The following XKR5 variants were observed in gnomAD, a reference collection of about 807,000 sequenced individuals.
The protein encoded by XKR5 is XK-related protein 5.
A neutral mutation model predicts 40.8 loss-of-function variants in XKR5; 46 were observed. That is an observed-to-expected ratio of 1.13 (90% CI 0.89 to 1.44). The LOEUF is 1.44. Ranked by LOEUF, XKR5 falls within the 40% of genes most tolerant of loss-of-function variation. The pLI, the probability that XKR5 is intolerant of heterozygous loss-of-function variation, is 0.00. For missense variants in XKR5, 1,169 were observed against 844.7 expected, an observed-to-expected ratio of 1.38 and a Z score of -4.76; for synonymous variants, 466 against 356.1, an observed-to-expected ratio of 1.31 and a Z score of -3.48.
At chr8:6,813,604 C>A (rs1159406982) in intron 6 of XKR5, among the ~76,000 whole-genome samples, 2 of 152,160 alleles carry the variant, frequency 1.3e-5, no homozygotes, top group African/African-American at 2.4e-5. Flanking sequence ...GCCTAGGATT[C>A]CCAAGGGTCG....
chr8:6,814,484 C>T (rs1167365484), intron 6 of XKR5, among the ~76,000 whole-genome samples: 4 of 151,932 alleles, frequency 2.6e-5, no homozygotes, highest in Non-Finnish European at 4.4e-5. Context: ...GTGGCAGGGG[C>T]GAGAGGAAGG....
At chr8:6,821,075 C>T (rs567826923) in intron 5 of XKR5, among the ~76,000 whole-genome samples, 82 of 152,186 alleles carry the variant, frequency 5.4e-4, no homozygotes, top group Non-Finnish European at 1.1e-3. Context: ...TTATTCCTAG[C>T]GTGTGCATGA....
chr8:6,833,677 C>G (rs1377348718), intron 1 of XKR5, among the ~76,000 whole-genome samples: 4 of 152,174 alleles, frequency 2.6e-5, no homozygotes, highest in Non-Finnish European at 2.9e-5. Flanking sequence ...GATTGGGCCA[C>G]TGCATTCCAG....
chr8:6,827,896 T>A (rs1334730591), intron 2 of XKR5, among the ~76,000 whole-genome samples: 1 of 151,988 alleles, frequency 6.6e-6, no homozygotes, highest in Non-Finnish European at 1.5e-5. Context: ...TGAGACTCCA[T>A]GTCTACAAAA....
At chr8:6,833,310 G>T (rs528572373) in intron 1 of XKR5, among the ~76,000 whole-genome samples, 9 of 152,318 alleles carry the variant, frequency 5.9e-5, no homozygotes, top group Admixed American at 2.0e-4. Flanking sequence ...ACTTCCCCTG[G>T]TTCCTGTCTC....
intron 2 of XKR5, among the ~76,000 whole-genome samples, chr8:6,826,337 G>A (rs1235689814): frequency 2.0e-5 from 3 of 152,144 alleles, no homozygotes; most frequent in African/African-American, 7.2e-5. Flanking sequence ...GTGAGTGTGT[G>A]TGTGTGCACG....
Position 6,809,850 on chromosome 8 carries a change from C to A in XKR5, c.*1348G>T, listed in dbSNP as rs1240346802. The A allele has an allele frequency of 6.6e-6, 1 of 152,386 alleles. No homozygotes were observed. Among genetic ancestry groups the A allele is most frequent in the African/African-American group, 2.4e-5 (1 of 41,432 alleles). 9.4% of individuals were successfully genotyped at this position (152,386 alleles called of 1,614,324 possible). A position where few individuals can be genotyped will look rare whatever the true frequency, so the allele number is the denominator to read the frequency against. ...TTCTGGCTGGGCACGGTGGCTCACGCCTGTAATCCCAGCACTTTGGGAGGC... is the reference window on the plus strand; with the variant it reads ...TTCTGGCTGGGCACGGTGGCTCACGACTGTAATCCCAGCACTTTGGGAGGC... On this transcript the variant is annotated 3_prime_UTR_variant, in exon 7 of 7. Coordinates refer to ENST00000618742, the MANE Select transcript of XKR5 (RefSeq NM_207411.5).
intron 5 of XKR5, among the ~76,000 whole-genome samples, chr8:6,819,861 T>G (rs116870700): frequency 6.8e-6 from 1 of 147,750 alleles, no homozygotes; most frequent in Non-Finnish European, 1.5e-5. Context: ...CTTTCCTTCC[T>G]TCCTTCCCTC....
intron 4 of XKR5, among the ~76,000 whole-genome samples, chr8:6,823,179 C>G (rs940589230): frequency 1.8e-4 from 27 of 152,188 alleles, no homozygotes; most frequent in African/African-American, 5.6e-4. Context: ...TCTAGTCCTC[C>G]ATGCTCTTGA....
intron 4 of XKR5, among the ~76,000 whole-genome samples, chr8:6,822,520 C>T (rs1804287824): frequency 6.6e-6 from 1 of 152,058 alleles, no homozygotes; most frequent in South Asian, 2.1e-4. Flanking sequence ...AAAAGAATAA[C>T]AAAATAGCTA....
intron 1 of XKR5, 28 bp from the exon 2 acceptor site, chr8:6,832,928 G>A: frequency 6.6e-7 from 1 of 1,524,508 alleles, no homozygotes; most frequent in Non-Finnish European, 8.8e-7. Flanking sequence ...AGGCAAGCAG[G>A]TTGTTGGAAG....
intron 1 of XKR5, 41 bp downstream of exon 1, chr8:6,835,395 G>C (rs1804968082): frequency 1.4e-6 from 2 of 1,403,694 alleles, no homozygotes; most frequent in Non-Finnish European, 1.8e-6. Context: ...GTGGGGTTAG[G>C]GGCTGCAGGG....
At chr8:6,816,667 TTAAA>T (rs1803969970) in intron 5 of XKR5, among the ~76,000 whole-genome samples, 2 of 135,196 alleles carry the variant, frequency 1.5e-5, no homozygotes, top group South Asian at 2.4e-4. Context: ...TTTTATTTAA[TTAAA>T]TAATTATTTA....
Position 6,835,501 on chromosome 8 carries a change from G to T in XKR5, c.-8C>A, listed in dbSNP as rs1804977241. The T allele has an allele frequency of 1.3e-6, 2 of 1,496,684 alleles. No individual in the cohort carries two copies. Among genetic ancestry groups the T allele is most frequent in the African/African-American group, 1.4e-5 (1 of 69,294 alleles). The allele number at this position is 1,496,684 out of a possible 1,614,324, so 92.7% of individuals were successfully genotyped here. A position where few individuals can be genotyped will look rare whatever the true frequency, so the allele number is the denominator to read the frequency against. On this transcript the variant is annotated 5_prime_UTR_variant, in exon 1 of 7. Transcript: ENST00000618742. ...CAGGAGCCTCGCGTGCATCTTCCGT[G>T]CCGACCCCGCAGCCTGCGCCCGCCC...
intron 5 of XKR5, among the ~76,000 whole-genome samples, chr8:6,820,359 G>C (rs1295422604): frequency 1.3e-5 from 2 of 152,226 alleles, no homozygotes; most frequent in South Asian, 2.1e-4. Context: ...GTGACTGTAT[G>C]AGATGGTTGG....
At chr8:6,826,297 T>A (rs371675756) in intron 2 of XKR5, among the ~76,000 whole-genome samples, 21 of 152,086 alleles carry the variant, frequency 1.4e-4, no homozygotes, top group African/African-American at 5.1e-4. Context: ...TTCATGTATG[T>A]GTGCAGTGTG....
chr8:6,835,511 C>CA lies in XKR5; in HGVS notation c.-19dup. ...GCGTGCATCTTCCGTGCCGACCCCGCAGCCTGCGCCCGCCCCTTCCCCTGC... is the reference window on the plus strand; with the variant it reads ...GCGTGCATCTTCCGTGCCGACCCCGCAAGCCTGCGCCCGCCCCTTCCCCTGC... On this transcript the variant is annotated 5_prime_UTR_variant, in exon 1 of 7. Coordinates refer to ENST00000618742, the MANE Select transcript of XKR5 (RefSeq NM_207411.5). 6.7e-7 allele frequency: 1 copy of CA among 1,491,844 alleles called. No individual in the cohort carries two copies. 92.4% of individuals were successfully genotyped at this position (1,491,844 alleles called of 1,614,324 possible). A position where few individuals can be genotyped will look rare whatever the true frequency, so the allele number is the denominator to read the frequency against.
chr8:6,827,730 G>A (rs941566182), intron 2 of XKR5, among the ~76,000 whole-genome samples: 1 of 152,128 alleles, frequency 6.6e-6, no homozygotes, highest in African/African-American at 2.4e-5. Context: ...CTTCCAGAAA[G>A]CTTTGTTTGT....
At position 6,811,039 on chromosome 8, in the gene XKR5, C is replaced by T. The variant is rs1161047148; in HGVS notation, c.*159G>A. 1.6e-6 allele frequency: 1 copy of T among 643,804 alleles called. No homozygotes were observed. Among genetic ancestry groups the T allele is most frequent in the Non-Finnish European group, 2.3e-6 (1 of 439,396 alleles). 39.9% of individuals were successfully genotyped at this position (643,804 alleles called of 1,614,324 possible). A position where few individuals can be genotyped will look rare whatever the true frequency, so the allele number is the denominator to read the frequency against. ...TTTGCATTGGACCTGCAAAATCATC[C>T]AGCCCTGTTTCTTCATTTTTCAGGG... On this transcript the variant is annotated 3_prime_UTR_variant, in exon 7 of 7. Coordinates refer to ENST00000618742, the MANE Select transcript of XKR5 (RefSeq NM_207411.5).
Sources: allele counts gnomAD v4.1 joint callset (sites outside exome capture counted in the v4.1 genomes callset), GRCh38; gene constraint gnomAD v4.1.1; transcripts MANE v1.5; gene names NCBI Gene and HGNC (gene_info 2026-07-23, HGNC 2026-07-21).